The following CFAP210 variants were observed in gnomAD, a reference collection of about 807,000 sequenced individuals.
The protein encoded by CFAP210 is cilia and flagella associated protein 210.
At chr2:169,654,527 CAAT>C in the CFAP210 span, among the ~76,000 whole-genome samples, 1 of 151,998 alleles carries the variant, frequency 6.6e-6, no homozygotes, top group South Asian at 2.1e-4. Context: ...ATAATATAAT[CAAT>C]AAGTAGGTGG....
chr2:169,653,960 A>T, the CFAP210 span: 1 of 1,111,618 alleles, frequency 9.0e-7, no homozygotes, highest in Non-Finnish European at 1.2e-6. Flanking sequence ...CAAGTCACTG[A>T]ATGCTCTAGT....
chr2:169,649,418 G>A, the CFAP210 span: 123 of 1,377,986 alleles, frequency 8.9e-5, 1 homozygote, highest in East Asian at 2.8e-3. Flanking sequence ...AAGGCACAGA[G>A]TCAGAGAGTT....
At chr2:169,675,099 TTAACATAA>T in the CFAP210 span, 1 of 1,207,610 alleles carries the variant, frequency 8.3e-7, no homozygotes, top group South Asian at 2.2e-5. Flanking sequence ...TTACTACAGT[TTAACATAA>T]TAATATGATA....
At chr2:169,682,485 T>TAC in the CFAP210 span, among the ~76,000 whole-genome samples, 36,197 of 150,868 alleles carry the variant, frequency 0.24, 4,470 homozygotes, top group Non-Finnish European at 0.27. Context: ...CCATTTTCTA[T>TAC]ACACACACAC....
chr2:169,673,139 T>C, the CFAP210 span, among the ~76,000 whole-genome samples: 3 of 152,144 alleles, frequency 2.0e-5, no homozygotes, highest in African/African-American at 7.2e-5. Flanking sequence ...GCACTGAAGA[T>C]ATGCCAAAGA....
At chr2:169,674,833 G>C in the CFAP210 span, 5 of 1,495,806 alleles carry the variant, frequency 3.3e-6, no homozygotes, top group Non-Finnish European at 4.4e-6. Context: ...ATATGTTAAA[G>C]ATATATAAAA....
the CFAP210 span, chr2:169,645,585 C>T: frequency 8.0e-6 from 3 of 377,266 alleles, no homozygotes; most frequent in East Asian, 5.1e-5. Flanking sequence ...ATGGTCATGG[C>T]TACACAATAT....
At chr2:169,694,213 G>A in the CFAP210 span, 3 of 1,583,102 alleles carry the variant, frequency 1.9e-6, no homozygotes, top group African/African-American at 2.7e-5. Flanking sequence ...ACTCCATGCC[G>A]GGGGTCCAGA....
At chr2:169,675,124 G>C in the CFAP210 span, 1 of 982,072 alleles carries the variant, frequency 1.0e-6, no homozygotes, top group Non-Finnish European at 1.4e-6. Context: ...GATAATTTGA[G>C]CTTTTATGTT....
chr2:169,648,845 C>G, the CFAP210 span, among the ~76,000 whole-genome samples: 1 of 152,086 alleles, frequency 6.6e-6, no homozygotes. Flanking sequence ...AAATCTGAAA[C>G]CTATGAGATC....
chr2:169,647,817 A>G, the CFAP210 span, among the ~76,000 whole-genome samples: 3 of 152,162 alleles, frequency 2.0e-5, no homozygotes, highest in African/African-American at 7.2e-5. Context: ...GATTTAATAC[A>G]CAGAGTATTT....
chr2:169,660,963 C>A, the CFAP210 span: 1 of 478,768 alleles, frequency 2.1e-6, no homozygotes, highest in East Asian at 5.4e-5. Context: ...TGAAATCATT[C>A]TGTATAGCAG....
the CFAP210 span, among the ~76,000 whole-genome samples, chr2:169,671,434 A>T: frequency 6.6e-6 from 1 of 152,106 alleles, no homozygotes; most frequent in Non-Finnish European, 1.5e-5. Flanking sequence ...TTACATTCTA[A>T]TTATTTGTTC....
the CFAP210 span, among the ~76,000 whole-genome samples, chr2:169,685,188 T>G: frequency 5.9e-5 from 9 of 152,250 alleles, no homozygotes; most frequent in Non-Finnish European, 8.8e-5. Flanking sequence ...AGTACCAAAT[T>G]GTTTTTCAAA....
the CFAP210 span, among the ~76,000 whole-genome samples, chr2:169,679,970 G>A: frequency 6.6e-6 from 1 of 152,058 alleles, no homozygotes; most frequent in Non-Finnish European, 1.5e-5. Context: ...GTAAGGAAAT[G>A]AAAAGTCAAG....
the CFAP210 span, among the ~76,000 whole-genome samples, chr2:169,652,825 C>A: frequency 6.8e-6 from 1 of 148,018 alleles, no homozygotes; most frequent in Non-Finnish European, 1.5e-5. Flanking sequence ...GAAACCCCGT[C>A]TCTACTAAAA....
the CFAP210 span, among the ~76,000 whole-genome samples, chr2:169,683,805 C>G: frequency 6.6e-6 from 1 of 152,028 alleles, no homozygotes; most frequent in African/African-American, 2.4e-5. Context: ...TTCATGGACT[C>G]TGACACAGGA....
At chr2:169,675,185 T>C in the CFAP210 span, 263,306 of 663,162 alleles carry the variant, frequency 0.4, 54,932 homozygotes, top group Middle Eastern at 0.46. Context: ...GCTACACTTA[T>C]GAGCTTATTT....
the CFAP210 span, among the ~76,000 whole-genome samples, chr2:169,671,758 A>G: frequency 6.6e-6 from 1 of 152,230 alleles, no homozygotes; most frequent in Non-Finnish European, 1.5e-5. Context: ...GGCGTGAGCC[A>G]CCGCGCCCAG....
Sources: gnomAD v4.1 joint callset for allele counts (sites outside exome capture counted in the v4.1 genomes callset) on GRCh38, gnomAD v4.1.1 for gene constraint, MANE v1.5 for transcripts, NCBI Gene and HGNC (gene_info 2026-07-23, HGNC 2026-07-21) for gene names.